Variants in ERC1 observed in about 807,000 individuals in gnomAD.
The protein encoded by ERC1 is RAB6 interacting protein 2.
Under a neutral mutation model 132.0 loss-of-function variants are expected in ERC1, and 56 were observed. The ratio of observed to expected loss-of-function variants is 0.42; its 90% CI spans 0.34 to 0.53. ERC1 has a LOEUF of 0.53. Among genes scored for constraint, ERC1 ranks in the 20% least tolerant of loss-of-function variants. The pLI is 0.03. For synonymous variants in ERC1, 478 were observed against 476.1 expected (o/e 1.00, Z -0.05); for missense variants, 1,202 against 1,349.9 (o/e 0.89, Z 1.72).
chr12:1,341,387 C>T (rs1255057654), intron 15 of ERC1, among the ~76,000 whole-genome samples: 2 of 152,012 alleles, frequency 1.3e-5, no homozygotes, highest in East Asian at 1.9e-4. Context: ...GCACTATTCA[C>T]GATAGCAAAG....
chr12:1,093,482 G>A (rs1943517836), intron 3 of ERC1, among the ~76,000 whole-genome samples: 1 of 152,148 alleles, frequency 6.6e-6, no homozygotes, highest in Admixed American at 6.5e-5. Context: ...GGATACCTAA[G>A]TTGGCTGTGG....
chr12:1,291,387 G>C (rs959013587), intron 15 of ERC1, among the ~76,000 whole-genome samples: 1 of 152,160 alleles, frequency 6.6e-6, no homozygotes, highest in Admixed American at 6.6e-5. Context: ...TCCTCCCTGT[G>C]ACTGTTGGCA....
At chr12:1,092,407 C>A (rs568588851) in intron 3 of ERC1, among the ~76,000 whole-genome samples, 2 of 152,298 alleles carry the variant, frequency 1.3e-5, no homozygotes, top group Admixed American at 1.3e-4. Flanking sequence ...AAGCAGCAGT[C>A]CTGGTATATT....
At chr12:1,266,288 G>T (rs2077472464) in intron 14 of ERC1, among the ~76,000 whole-genome samples, 1 of 151,382 alleles carries the variant, frequency 6.6e-6, no homozygotes, top group South Asian at 2.1e-4. Flanking sequence ...GTGGTTCAAG[G>T]TATGAAGAAA....
chr12:1,326,605 G>A (rs746122908), intron 15 of ERC1, among the ~76,000 whole-genome samples: 8 of 152,174 alleles, frequency 5.3e-5, no homozygotes, highest in Non-Finnish European at 1.2e-4. Flanking sequence ...GTGTTTGAAA[G>A]GTGATATTTT....
chr12:1,407,607 C>T (rs1439349968), intron 16 of ERC1, among the ~76,000 whole-genome samples: 1 of 152,080 alleles, frequency 6.6e-6, no homozygotes, highest in Non-Finnish European at 1.5e-5. Flanking sequence ...ATTTCTGTAT[C>T]AATTTAATTG....
At chr12:1,393,423 C>T (rs539679864) in intron 16 of ERC1, among the ~76,000 whole-genome samples, 1 of 152,174 alleles carries the variant, frequency 6.6e-6, no homozygotes, top group South Asian at 2.1e-4. Flanking sequence ...TAGTCCCAGG[C>T]CTTAGGAAGC....
At chr12:1,290,597 A>G (rs1366871798) in intron 15 of ERC1, among the ~76,000 whole-genome samples, 20 of 152,342 alleles carry the variant, frequency 1.3e-4, no homozygotes. Context: ...CTGCTAATAC[A>G]TAGTAGATGT....
At chr12:1,166,479 A>G (rs1269212210) in intron 8 of ERC1, among the ~76,000 whole-genome samples, 1 of 152,234 alleles carries the variant, frequency 6.6e-6, no homozygotes, top group Non-Finnish European at 1.5e-5. Flanking sequence ...GGACAAATAC[A>G]GAAGGCTTTC....
chr12:1,129,170 TA>T (rs1948500562), intron 7 of ERC1, among the ~76,000 whole-genome samples: 2 of 152,142 alleles, frequency 1.3e-5, no homozygotes, highest in Non-Finnish European at 2.9e-5. Context: ...GAACCATAGA[TA>T]AACTAATCTT....
chr12:1,216,957 A>G (rs796875760), intron 12 of ERC1, among the ~76,000 whole-genome samples: 2 of 152,326 alleles, frequency 1.3e-5, no homozygotes, highest in African/African-American at 2.4e-5. Flanking sequence ...TTCTCTTACT[A>G]TGAACATTTT....
chr12:1,140,662 G>A (rs1050727664), intron 7 of ERC1, among the ~76,000 whole-genome samples: 8 of 152,188 alleles, frequency 5.3e-5, no homozygotes, highest in Non-Finnish European at 8.8e-5. Flanking sequence ...AATAAGACAA[G>A]TTAAAGATGA....
rs1218737751 is a variant in ERC1, at chr12:1,343,027, A to G, written c.2781-28806A>G. Among the ~76,000 whole-genome samples, 77 of 152,170 alleles carry G rather than the reference A, an allele frequency of 5.1e-4. 1 individual carries two copies. The highest frequency in any genetic ancestry group is 5.0e-3 in the Admixed American group (77 of 15,268). ...TTTGCCTGTCACTCATGCGGTCCTC[A>G]CAACTCCTTCCAGCCCCTAAACTAA... On this transcript the variant is annotated intron_variant, in intron 15 of 18. Coordinates refer to ENST00000360905, the MANE Select transcript of ERC1 (RefSeq NM_178040.4).
chr12:1,449,104 G>C (rs144960182), intron 18 of ERC1, among the ~76,000 whole-genome samples: 2 of 152,198 alleles, frequency 1.3e-5, no homozygotes, highest in Admixed American at 6.5e-5. Context: ...TAGTCTCTTC[G>C]TTTTGGCCAA....
chr12:1,359,574 C>T (rs1051506003), intron 15 of ERC1, among the ~76,000 whole-genome samples: 1 of 152,118 alleles, frequency 6.6e-6, no homozygotes, highest in African/African-American at 2.4e-5. Flanking sequence ...AGGCCACACC[C>T]CGCTTCCTCG....
At chr12:1,137,458 G>T (rs1949370642) in intron 7 of ERC1, among the ~76,000 whole-genome samples, 2 of 152,008 alleles carry the variant, frequency 1.3e-5, no homozygotes, top group African/African-American at 4.8e-5. Context: ...ACTACGCTGA[G>T]TCACAGTTTT....
rs2094328822 is a variant in ERC1, at chr12:1,492,800, T to C, written c.*2570T>C. 4.3e-6 allele frequency: 1 copy of C among 231,732 alleles called. No individual in the cohort carries two copies. The highest frequency in any genetic ancestry group is 5.6e-5 in the Admixed American group (1 of 17,718). The allele number at this position is 231,732 out of a possible 1,614,324, so 14.4% of individuals were successfully genotyped here. On this transcript the variant is annotated 3_prime_UTR_variant, in exon 19 of 19. Transcript: ENST00000360905. ...TGGATGCAGTTTGTAGCTTTCAGAGTGTCTCATTGAGTCTAGATCATTGAA... is the reference window on the plus strand; with the variant it reads ...TGGATGCAGTTTGTAGCTTTCAGAGCGTCTCATTGAGTCTAGATCATTGAA...
chr12:1,289,837 C>T lies in ERC1; in HGVS notation c.2620-15C>T. 1.2e-6 allele frequency: 2 copies of T among 1,610,172 alleles called. No homozygotes were observed. Among genetic ancestry groups the T allele is most frequent in the Non-Finnish European group, 1.7e-6 (2 of 1,176,858 alleles). ...TCAAGACACTCTGTTGTTCTCTTTCCCATATTTATGATAGGTGGAGGAGTT... is the reference window on the plus strand; with the variant it reads ...TCAAGACACTCTGTTGTTCTCTTTCTCATATTTATGATAGGTGGAGGAGTT... On this transcript the variant is annotated splice_polypyrimidine_tract_variant and intron_variant, in intron 14 of 18. Transcript: ENST00000360905.
intron 2 of ERC1, among the ~76,000 whole-genome samples, chr12:1,074,103 C>A (rs1021312721): frequency 6.6e-6 from 1 of 152,074 alleles, no homozygotes; most frequent in African/African-American, 2.4e-5. Flanking sequence ...ACCTCGTGAT[C>A]TGCCCGCCTC....
Sources: gnomAD v4.1 joint callset for allele counts (sites outside exome capture counted in the v4.1 genomes callset) on GRCh38, gnomAD v4.1.1 for gene constraint, MANE v1.5 for transcripts, NCBI Gene and HGNC (gene_info 2026-07-23, HGNC 2026-07-21) for gene names.